Variants in TRPC1 observed in about 807,000 individuals in gnomAD.
The protein encoded by TRPC1 is short transient receptor potential channel 1.
Under a neutral mutation model 88.2 loss-of-function variants are expected in TRPC1, and 42 were observed. That is an observed-to-expected ratio of 0.48 (90% CI 0.37 to 0.62). TRPC1 has a LOEUF of 0.62. Ranked by LOEUF, TRPC1 falls within the 20% of genes least tolerant of loss-of-function variation. TRPC1 has a pLI of 0.00. For missense variants in TRPC1, 699 were observed against 957.3 expected (o/e 0.73, Z 3.56); for synonymous variants, 288 against 331.8 (o/e 0.87, Z 1.43).
At chr3:142,791,786 G>T (rs980538519) in intron 8 of TRPC1, among the ~76,000 whole-genome samples, 1 of 151,908 alleles carries the variant, frequency 6.6e-6, no homozygotes, top group African/African-American at 2.4e-5. Context: ...TAAAAGTGAT[G>T]TAAATGTTAT....
At chr3:142,800,744 C>T (rs1373931453) in intron 9 of TRPC1, among the ~76,000 whole-genome samples, 1 of 151,744 alleles carries the variant, frequency 6.6e-6, no homozygotes, top group Non-Finnish European at 1.5e-5. Flanking sequence ...TAGTGAAACC[C>T]GATCTCTACT....
intron 4 of TRPC1, among the ~76,000 whole-genome samples, chr3:142,773,224 T>G (rs1935636536): frequency 6.6e-6 from 1 of 152,164 alleles, no homozygotes; most frequent in African/African-American, 2.4e-5. Context: ...TTATAGTCTT[T>G]TTTTTTGAGA....
chr3:142,735,862 T>C (rs1263132044), intron 1 of TRPC1, among the ~76,000 whole-genome samples: 4 of 152,152 alleles, frequency 2.6e-5, no homozygotes, highest in Admixed American at 2.6e-4. Flanking sequence ...TCCTTGAATA[T>C]ATATGTATTT....
At position 142,776,918 on chromosome 3, in the gene TRPC1, A is replaced by G. The variant is rs2108108602; in HGVS notation, c.633-714A>G. Among the ~76,000 whole-genome samples, 1 of 152,286 alleles carries G rather than the reference A, an allele frequency of 6.6e-6. No individual in the cohort carries two copies. The highest frequency in any genetic ancestry group is 1.9e-4 in the East Asian group (1 of 5,184). On this transcript the variant is annotated intron_variant, in intron 4 of 12. Coordinates refer to ENST00000476941, the MANE Select transcript of TRPC1 (RefSeq NM_001251845.2). The surrounding 1 kb of genome is among the most constrained non-coding windows in gnomAD (Gnocchi z 4.1). The stretch of plus-strand genomic sequence containing the variant: ...CTCCATCTCAAAAAAAAAAGAAAAA[A>G]AAAGTATTTTTATTACTGAGAGAGA...
At position 142,752,963 on chromosome 3, in the gene TRPC1, T is replaced by A. The variant is rs1934829266; in HGVS notation, c.632+4503T>A. ...GGGGCAAAGCTACAAATTAACAACA[T>A]CTCAGCAAAGCAATTGTTTAAAGTA... On this transcript the variant is annotated intron_variant, in intron 4 of 12. Coordinates refer to ENST00000476941, the MANE Select transcript of TRPC1 (RefSeq NM_001251845.2). Among the ~76,000 whole-genome samples the A allele has an allele frequency of 4.6e-5, 7 of 152,192 alleles. No individual in the cohort carries two copies. In the South Asian group the frequency reaches 1.4e-3, roughly 32 times the overall value.
In TRPC1 at chr3:142,724,470, A is replaced by G. The variant is rs748119943; in HGVS notation, c.-90A>G. 250 of 1,297,230 alleles carry G rather than the reference A, an allele frequency of 1.9e-4. No homozygotes were observed. Among genetic ancestry groups the G allele is most frequent in the Non-Finnish European group, 2.4e-4 (234 of 988,236 alleles). The allele number at this position is 1,297,230 out of a possible 1,614,324, so 80.4% of individuals were successfully genotyped here. A position where few individuals can be genotyped will look rare whatever the true frequency, so the allele number is the denominator to read the frequency against. On this transcript the variant is annotated 5_prime_UTR_variant, in exon 1 of 13. Coordinates refer to ENST00000476941, the MANE Select transcript of TRPC1 (RefSeq NM_001251845.2). This position sits in a 1 kb window ranked among gnomAD's most constrained non-coding sequence, Gnocchi z 5.6. The stretch of plus-strand genomic sequence containing the variant: ...AGTGGGAACGACTCATCCTTTTTCC[A>G]GCCCTGGGGCGTGGCTGGGGTCGGG...
chr3:142,730,105 T>C (rs1933838373), intron 1 of TRPC1, among the ~76,000 whole-genome samples: 1 of 151,900 alleles, frequency 6.6e-6, no homozygotes, highest in Non-Finnish European at 1.5e-5. Context: ...TTTCTGAGAC[T>C]GTGTTGCAAC....
intron 6 of TRPC1, among the ~76,000 whole-genome samples, chr3:142,781,841 ACTTG>A (rs1332793198): frequency 6.6e-6 from 1 of 152,152 alleles, no homozygotes; most frequent in Non-Finnish European, 1.5e-5. Flanking sequence ...TTTAAATAAA[ACTTG>A]CTTATCAAAT....
Position 142,784,844 on chromosome 3 carries a change from T to G in TRPC1, c.1101T>G (p.Cys367Trp). The G allele has an allele frequency of 6.2e-7, 1 of 1,614,184 alleles. No homozygotes were observed. Among genetic ancestry groups the G allele is most frequent in the Non-Finnish European group, 8.5e-7 (1 of 1,180,020 alleles). The change falls in exon 7 of 13, where the codon TGT (cysteine) becomes TGG (tryptophan). Residue 367 changes from cysteine to tryptophan, a missense_variant. Transcript: ENST00000476941. ...VGIFWPVLSL[C>W]YLIAPKSQFG... The stretch of plus-strand genomic sequence containing the variant: ...TCTTTTGGCCAGTTTTGTCACTTTG[T>G]TATTTGATAGCTCCCAAATCTCAGT...
intron 1 of TRPC1, among the ~76,000 whole-genome samples, chr3:142,727,751 G>A (rs1158257954): frequency 6.6e-6 from 1 of 152,042 alleles, no homozygotes; most frequent in African/African-American, 2.4e-5. Flanking sequence ...AAATTCAGAG[G>A]TAAAACTTAA....
At chr3:142,782,564 T>C (rs960423375) in intron 6 of TRPC1, among the ~76,000 whole-genome samples, 4 of 152,210 alleles carry the variant, frequency 2.6e-5, no homozygotes, top group African/African-American at 9.6e-5. Context: ...GGAAAGGGCA[T>C]GGCAATCATG....
At position 142,724,646 on chromosome 3, in the gene TRPC1, C is replaced by G. The variant is rs185773990; in HGVS notation, c.87C>G (p.Asn29Lys). 1.2e-6 allele frequency: 2 copies of G among 1,613,026 alleles called. No homozygotes were observed. The highest frequency in any genetic ancestry group is 3.3e-5 in the Admixed American group (2 of 59,984). ...LPSSPSSSSP[N>K]EVMALKDVRE... ...CCTCTCCATCCTCTTCCTCGCCGAA[C>G]GAGGTGATGGCGCTGAAGGATGTGC... is the stretch of plus-strand genomic sequence containing the variant. Residue 29 changes from asparagine (N) to lysine (K), a missense_variant, in exon 1 of 13, where the codon AAC becomes AAG. Asn to Lys is a moderately conservative substitution (Grantham distance 94). This residue lies in a region of TRPC1 where 157 missense variants were observed against 127.0 expected (regional missense o/e 1.24). Coordinates refer to ENST00000476941, the MANE Select transcript of TRPC1 (RefSeq NM_001251845.2). The surrounding 1 kb of genome is among the most constrained non-coding windows in gnomAD (Gnocchi z 5.6).
chr3:142,794,199 C>T (rs1171200648), intron 9 of TRPC1, among the ~76,000 whole-genome samples: 1 of 152,046 alleles, frequency 6.6e-6, no homozygotes, highest in Non-Finnish European at 1.5e-5. Flanking sequence ...ATTTTTGCCA[C>T]TAATATCATC....
rs1291524547 is a variant in TRPC1, at chr3:142,780,853, G to T, written c.784G>T (p.Ala262Ser). 3 of 1,610,746 alleles carry T rather than the reference G, an allele frequency of 1.9e-6. No individual in the cohort carries two copies. In the African/African-American group the frequency reaches 4.0e-5, roughly 21 times the overall value. Residue 262 changes from alanine (A) to serine (S), a missense_variant, in exon 6 of 13, where the codon GCC becomes TCC. Transcript: ENST00000476941. ...VEFRNDYEEL[A>S]RQCKMFAKDL... ...TTATAGGAATGATTATGAGGAACTA[G>T]CCCGGCAATGTAAAATGTTTGCTAA...
rs116804283 is a variant in TRPC1, at chr3:142,738,372, G to C, written c.327+1839G>C. ...GTAAAACATGGGTTCTGTGTGATAG[G>C]ATCTTTAAGACAAATTGGACAATTA... On this transcript the variant is annotated intron_variant, in intron 2 of 12. Coordinates refer to ENST00000476941, the MANE Select transcript of TRPC1 (RefSeq NM_001251845.2). Among the ~76,000 whole-genome samples, 731 of 152,256 alleles carry C rather than the reference G, an allele frequency of 4.8e-3. 4 individuals are homozygous for C. Among genetic ancestry groups the C allele is most frequent in the African/African-American group, 0.017 (686 of 41,566 alleles).
intron 9 of TRPC1, chr3:142,801,288 TAAA>T (rs1410279744): frequency 7.0e-6 from 1 of 143,864 alleles, no homozygotes; most frequent in African/African-American, 3.0e-5. Flanking sequence ...TATTAAAAAA[TAAA>T]AAATAAAAAC....
At chr3:142,785,506 GT>G (rs1211634164) in intron 7 of TRPC1, among the ~76,000 whole-genome samples, 5 of 151,894 alleles carry the variant, frequency 3.3e-5, no homozygotes, top group Non-Finnish European at 5.9e-5. Flanking sequence ...GTTTTGTTTT[GT>G]TTTGTTTTGT....
In TRPC1 at chr3:142,748,182, C is replaced by T; in HGVS notation, c.430-76C>T. ...AGTTCTTTGTGCCTTCCTATTTTTT[C>T]ATTTCATTCTTCAGATAAATATATT... On this transcript the variant is annotated intron_variant, in intron 3 of 12. Coordinates refer to ENST00000476941, the MANE Select transcript of TRPC1 (RefSeq NM_001251845.2). The T allele has an allele frequency of 1.0e-5, 13 of 1,280,030 alleles. No individual in the cohort carries two copies. In the Admixed American group the frequency reaches 1.3e-4, roughly 13 times the overall value. The allele number at this position is 1,280,030 out of a possible 1,614,324, so 79.3% of individuals were successfully genotyped here.
intron 1 of TRPC1, among the ~76,000 whole-genome samples, chr3:142,732,401 G>A (rs1053434185): frequency 5.3e-5 from 8 of 152,152 alleles, no homozygotes; most frequent in Non-Finnish European, 1.0e-4. Context: ...GCCTTCAGCT[G>A]TTAGAAACAC....
Sources: gnomAD v4.1 joint callset for allele counts (sites outside exome capture counted in the v4.1 genomes callset) on GRCh38, gnomAD v4.1.1 for gene constraint, gnomAD v4.1.1 regional missense constraint, Gnocchi (gnomAD v3.1) non-coding constraint, MANE v1.5 for transcripts, NCBI Gene and HGNC (gene_info 2026-07-23, HGNC 2026-07-21) for gene names.